Variants in MKLN1 observed in about 807,000 individuals in gnomAD.
MKLN1 encodes the protein muskelin 1.
MKLN1 carries 18 observed loss-of-function variants against 99.0 expected under a neutral mutation model. The observed-to-expected ratio is 0.18, with a 90% CI of 0.13 to 0.27. The LOEUF (loss-of-function observed/expected upper bound fraction) is 0.27. Among genes scored for constraint, MKLN1 ranks in the 10% least tolerant of loss-of-function variants. The pLI, the probability that MKLN1 is intolerant of heterozygous loss-of-function variation, is 1.00. For synonymous variants in MKLN1, 288 were observed against 293.2 expected, an observed-to-expected ratio of 0.98 and a Z score of 0.18; for missense variants, 621 against 875.9, an observed-to-expected ratio of 0.71 and a Z score of 3.67.
chr7:131,114,095 G>C (rs1418124215), intron 1 of MKLN1, among the ~76,000 whole-genome samples: 1 of 152,190 alleles, frequency 6.6e-6, no homozygotes, highest in African/African-American at 2.4e-5. Flanking sequence ...AGCAAGAATG[G>C]ACATGGAGAG....
chr7:131,431,945 C>T (rs935796809), intron 9 of MKLN1, among the ~76,000 whole-genome samples: 4 of 152,158 alleles, frequency 2.6e-5, no homozygotes, highest in Non-Finnish European at 4.4e-5. Flanking sequence ...TAAATACCCA[C>T]TTATTCTTTA....
At chr7:131,374,297 G>A (rs13238550) in intron 1 of MKLN1, among the ~76,000 whole-genome samples, 50,665 of 151,912 alleles carry the variant, frequency 0.33, 9,026 homozygotes, top group East Asian at 0.48. Context: ...GGTGCTGGGT[G>A]TGTTTTTGGG....
At chr7:131,347,512 A>G (rs1799599411) in intron 1 of MKLN1, among the ~76,000 whole-genome samples, 1 of 152,144 alleles carries the variant, frequency 6.6e-6, no homozygotes, top group South Asian at 2.1e-4. Context: ...ACCCAAAGAC[A>G]AAAAACCCTT....
At chr7:131,417,596 T>C (rs3823559) in intron 8 of MKLN1, among the ~76,000 whole-genome samples, 4,635 of 152,334 alleles carry the variant, frequency 0.03, 96 homozygotes, top group South Asian at 0.046. Context: ...TGGTCCTTGA[T>C]ATCAGTAATA....
intron 3 of MKLN1, among the ~76,000 whole-genome samples, chr7:131,317,536 A>G (rs183799920): frequency 1.1e-3 from 166 of 152,286 alleles, no homozygotes; most frequent in African/African-American, 3.9e-3. Context: ...ACTATGAAGA[A>G]ACTGCATCAA....
intron 9 of MKLN1, among the ~76,000 whole-genome samples, chr7:131,430,626 A>G (rs567363304): frequency 6.6e-6 from 1 of 152,322 alleles, no homozygotes; most frequent in Admixed American, 6.5e-5. Flanking sequence ...AGTGCCTGGC[A>G]TGATCCAACA....
intron 9 of MKLN1, among the ~76,000 whole-genome samples, chr7:131,429,610 G>T (rs1231359572): frequency 1.3e-5 from 2 of 151,618 alleles, no homozygotes; most frequent in East Asian, 3.9e-4. Context: ...TTGGAGTCTT[G>T]CTCTATCGCC....
chr7:131,418,154 A>T (rs927453390), intron 8 of MKLN1, among the ~76,000 whole-genome samples: 3 of 152,132 alleles, frequency 2.0e-5, no homozygotes, highest in Non-Finnish European at 4.4e-5. Context: ...GGATCACCTG[A>T]GGTCAGGAGT....
chr7:131,235,069 C>T (rs1054506191), intron 3 of MKLN1, among the ~76,000 whole-genome samples: 1 of 152,104 alleles, frequency 6.6e-6, no homozygotes, highest in South Asian at 2.1e-4. Flanking sequence ...ACACGGGGCT[C>T]TTCACATATA....
At chr7:131,258,782 A>G (rs1797692941) in intron 3 of MKLN1, among the ~76,000 whole-genome samples, 1 of 152,176 alleles carries the variant, frequency 6.6e-6, no homozygotes, top group Non-Finnish European at 1.5e-5. Context: ...ATATCTATTC[A>G]TGAAAAAGAG....
chr7:131,243,342 C>T (rs7782739), intron 3 of MKLN1, among the ~76,000 whole-genome samples: 30,535 of 152,004 alleles, frequency 0.2, 3,294 homozygotes, highest in Non-Finnish European at 0.24. Context: ...ATGTCATTTC[C>T]GCAGTCCGTA....
At position 131,234,136 on chromosome 7, in the gene MKLN1, C is replaced by T. The variant is rs895919474; in HGVS notation, c.-179+31162C>T. Among the ~76,000 whole-genome samples the T allele has an allele frequency of 7.3e-4, 111 of 152,096 alleles. 2 individuals are homozygous for T. Among genetic ancestry groups the T allele is most frequent in the Admixed American group, 6.2e-3 (94 of 15,256 alleles). The stretch of plus-strand genomic sequence containing the variant: ...CTGGGATTACAGGCACCTGCCACCA[C>T]GCCCGGCTAATTTTTGTATTTTTAG... On this transcript the variant is annotated intron_variant, in intron 3 of 7. Coordinates refer to the MKLN1 transcript ENST00000416992.
At position 131,153,031 on chromosome 7, in the gene MKLN1, A is replaced by AT. The variant is rs1208234807; in HGVS notation, c.-297+10091dup. Among the ~76,000 whole-genome samples, 97 of 142,034 alleles carry AT rather than the reference A, an allele frequency of 6.8e-4. 1 individual carries two copies. Among genetic ancestry groups the AT allele is most frequent in the African/African-American group, 2.2e-3 (83 of 38,444 alleles). 93.2% of individuals were successfully genotyped at this position (142,034 alleles called of 152,430 possible). On this transcript the variant is annotated intron_variant, in intron 2 of 7. Coordinates refer to the MKLN1 transcript ENST00000416992. The stretch of plus-strand genomic sequence containing the variant: ...CTTAATCAGATTCATATATATATAT[A>AT]TATTTTTTTTTTTTTTGGCAAGACT...
intron 17 of MKLN1, among the ~76,000 whole-genome samples, chr7:131,482,939 A>G (rs1050159494): frequency 6.6e-6 from 1 of 152,206 alleles, no homozygotes; most frequent in Non-Finnish European, 1.5e-5. Flanking sequence ...GAGAGGCTAA[A>G]CTAACTTGCC....
chr7:131,313,822 T>C (rs1798613870), intron 3 of MKLN1, among the ~76,000 whole-genome samples: 1 of 152,214 alleles, frequency 6.6e-6, no homozygotes. Flanking sequence ...GCATTTACAG[T>C]TTTTAGAGCC....
chr7:131,287,300 G>C (rs1467854305), intron 3 of MKLN1, among the ~76,000 whole-genome samples: 1 of 152,222 alleles, frequency 6.6e-6, no homozygotes, highest in Admixed American at 6.5e-5. Flanking sequence ...TAAAACAACA[G>C]AATTTTATTT....
intron 4 of MKLN1, among the ~76,000 whole-genome samples, chr7:131,396,618 C>A (rs1400495364): frequency 1.3e-5 from 2 of 151,738 alleles, no homozygotes; most frequent in East Asian, 3.9e-4. Flanking sequence ...CCTTATATTG[C>A]TTATATATTG....
At chr7:131,315,780 G>C (rs555350014) in intron 3 of MKLN1, among the ~76,000 whole-genome samples, 1 of 152,308 alleles carries the variant, frequency 6.6e-6, no homozygotes, top group East Asian at 1.9e-4. Flanking sequence ...AGGAGACTGG[G>C]AGGTTTGGAC....
intron 1 of MKLN1, among the ~76,000 whole-genome samples, chr7:131,349,668 C>G (rs893836242): frequency 6.6e-6 from 1 of 152,130 alleles, no homozygotes; most frequent in African/African-American, 2.4e-5. Context: ...CATTTAATTT[C>G]TGAAAAGATT....
Sources: gnomAD v4.1 joint callset for allele counts (sites outside exome capture counted in the v4.1 genomes callset) on GRCh38, gnomAD v4.1.1 for gene constraint, MANE v1.5 for transcripts, NCBI Gene and HGNC (gene_info 2026-07-23, HGNC 2026-07-21) for gene names.